The following NECTIN2 variants were observed in gnomAD, a reference collection of about 807,000 sequenced individuals.
The protein encoded by NECTIN2 is nectin-2.
NECTIN2 carries 23 observed loss-of-function variants against 56.9 expected under a neutral mutation model. The ratio of observed to expected loss-of-function variants is 0.40; its 90% CI spans 0.29 to 0.57. The LOEUF (loss-of-function observed/expected upper bound fraction) is 0.57. Ranked by LOEUF, NECTIN2 falls within the 20% of genes least tolerant of loss-of-function variation. The pLI is 0.38. For missense variants in NECTIN2, 587 were observed against 718.3 expected (o/e 0.82, Z 2.09); for synonymous variants, 302 against 313.8 (o/e 0.96, Z 0.40).
chr19:44,862,244 C>A (rs982639326), intron 1 of NECTIN2, among the ~76,000 whole-genome samples: 3 of 151,908 alleles, frequency 2.0e-5, no homozygotes, highest in Non-Finnish European at 4.4e-5. Context: ...GAAACCCCGT[C>A]TCTACTAAAA....
chr19:44,852,614 C>T (rs554748927), intron 1 of NECTIN2, among the ~76,000 whole-genome samples: 1 of 151,798 alleles, frequency 6.6e-6, no homozygotes, highest in Admixed American at 6.6e-5. Context: ...CTAGCAGGAT[C>T]CTTCTAGCTG....
At chr19:44,884,122 A>G (rs1969335507) in intron 6 of NECTIN2, among the ~76,000 whole-genome samples, 1 of 151,990 alleles carries the variant, frequency 6.6e-6, no homozygotes, top group Non-Finnish European at 1.5e-5. Context: ...AAAAAAAAGA[A>G]AAGAAAAATA....
In NECTIN2 at chr19:44,886,157, G is replaced by T. The variant is rs761393507; in HGVS notation, c.1285G>T (p.Ala429Ser). ...GCCCTCCCAGCTCTTCACTCTGGGG[G>T]CCTCGGAGCACAGCCCACTCAAGAC... ...EMPSQLFTLG[A>S]SEHSPLKTPY... Residue 429 changes from alanine to serine, a missense_variant, in exon 8 of 9, where the codon GCC becomes TCC. Coordinates refer to ENST00000252483, the MANE Select transcript of NECTIN2 (RefSeq NM_001042724.2). 1.8e-5 allele frequency: 29 copies of T among 1,613,252 alleles called. No individual in the cohort carries two copies. In the Middle Eastern group the frequency reaches 5.4e-4, roughly 30 times the overall value.
At chr19:44,851,726 GTGTT>G (rs1968901736) in intron 1 of NECTIN2, among the ~76,000 whole-genome samples, 1 of 152,190 alleles carries the variant, frequency 6.6e-6, no homozygotes, top group Admixed American at 6.5e-5. Flanking sequence ...AGGGAGGCTG[GTGTT>G]CCCATGGCCA....
chr19:44,852,420 CTTTTTGTTT>C (rs908521177), intron 1 of NECTIN2, among the ~76,000 whole-genome samples: 28 of 118,488 alleles, frequency 2.4e-4, no homozygotes, highest in African/African-American at 7.7e-4. Flanking sequence ...TTTTCTTTCT[CTTTTTGTTT>C]TTTTTGTTTT....
Position 44,874,204 on chromosome 19 carries a change from AT to A in NECTIN2, c.894-123del. ...GATGAAGGGAGCTTGCATTTTGGCA[AT>A]TTGGGGTCTCCGGGAGTACTTAGGT... On this transcript the variant is annotated intron_variant, in intron 4 of 8. Transcript: ENST00000252483. This position sits in a 1 kb window ranked among gnomAD's most constrained non-coding sequence, Gnocchi z 6.3. 1 of 1,345,556 alleles carries A rather than the reference AT, an allele frequency of 7.4e-7. No individual in the cohort carries two copies. The highest frequency in any genetic ancestry group is 1.3e-5 in the South Asian group (1 of 76,860). The allele number at this position is 1,345,556 out of a possible 1,614,324, so 83.4% of individuals were successfully genotyped here.
At chr19:44,879,491 A>G (rs1051208641) in intron 5 of NECTIN2, among the ~76,000 whole-genome samples, 7 of 151,674 alleles carry the variant, frequency 4.6e-5, no homozygotes, top group Non-Finnish European at 8.8e-5. Context: ...GGTGCTGGGG[A>G]AGTCCCACCT....
chr19:44,846,753 A>G, intron 1 of NECTIN2, 140 bp downstream of exon 1: 1 of 844,534 alleles, frequency 1.2e-6, no homozygotes, highest in Non-Finnish European at 1.6e-6. Context: ...GGCTGGCCCC[A>G]CAGACTCCGA....
chr19:44,878,140 C>T, intron 5 of NECTIN2: 2 of 613,958 alleles, frequency 3.3e-6, no homozygotes, highest in Non-Finnish European at 5.9e-6. Context: ...GCATCTCCCC[C>T]ACCCCCTCAC....
At chr19:44,885,462 C>T (rs963148327) in intron 6 of NECTIN2, among the ~76,000 whole-genome samples, 1 of 151,938 alleles carries the variant, frequency 6.6e-6, no homozygotes, top group Non-Finnish European at 1.5e-5. Flanking sequence ...CAGGCGTGCA[C>T]CATCATGCCC....
At chr19:44,879,638 G>T (rs915402887) in intron 5 of NECTIN2, among the ~76,000 whole-genome samples, 1 of 152,144 alleles carries the variant, frequency 6.6e-6, no homozygotes, top group Non-Finnish European at 1.5e-5. Flanking sequence ...AAGACGGGGG[G>T]AGGGGCGGCC....
At chr19:44,886,591 G>T (rs187534878) in intron 8 of NECTIN2, among the ~76,000 whole-genome samples, 2 of 152,130 alleles carry the variant, frequency 1.3e-5, no homozygotes, top group Admixed American at 1.3e-4. Flanking sequence ...GTGTGGTGGT[G>T]CGAGCCTGTA....
At chr19:44,856,515 C>G (rs1968967416) in intron 1 of NECTIN2, among the ~76,000 whole-genome samples, 1 of 152,188 alleles carries the variant, frequency 6.6e-6, no homozygotes, top group Non-Finnish European at 1.5e-5. Context: ...AAAGAGGAAA[C>G]TAACTTCCTC....
rs994550220 is a variant in NECTIN2 at position 44,852,391 on chromosome 19, C to T, written c.88+5778C>T. On this transcript the variant is annotated intron_variant, in intron 1 of 8. Coordinates refer to ENST00000252483, the MANE Select transcript of NECTIN2 (RefSeq NM_001042724.2). ...TCTCCTGAGCTCAGGTGAGCCACTG[C>T]ACCCAGCCTGTGAGGGTTTTTTCTT... 2.6e-5 allele frequency among the ~76,000 whole-genome samples: 4 copies of T among 151,616 alleles called. No individual in the cohort carries two copies. The Admixed American group carries it at 2.6e-4, about 10-fold the overall frequency.
At chr19:44,859,597 G>A (rs1043646185) in intron 1 of NECTIN2, among the ~76,000 whole-genome samples, 5 of 152,192 alleles carry the variant, frequency 3.3e-5, no homozygotes, top group Non-Finnish European at 1.5e-5. Context: ...GCCAAGGCGG[G>A]TGGATCACCT....
intron 2 of NECTIN2, among the ~76,000 whole-genome samples, chr19:44,867,297 T>C (rs511825): frequency 0.67 from 101,874 of 151,888 alleles, 35,078 homozygotes; most frequent in East Asian, 0.89. Context: ...GCTGGGATTA[T>C]AGGCATGAGC....
chr19:44,867,052 CTT>C (rs1025263093), intron 2 of NECTIN2, among the ~76,000 whole-genome samples: 2 of 151,120 alleles, frequency 1.3e-5, no homozygotes, highest in Non-Finnish European at 3.0e-5. Context: ...GAGTTTTGCT[CTT>C]GTTACCCAGG....
At chr19:44,846,656 C>T in intron 1 of NECTIN2, 43 bp downstream of exon 1, 1 of 1,509,686 alleles carries the variant, frequency 6.6e-7, no homozygotes, top group Non-Finnish European at 8.8e-7. Flanking sequence ...CGGACCCCCT[C>T]CAACCTTACC....
intron 6 of NECTIN2, 29 bp from the exon 7 acceptor site, chr19:44,885,908 C>T: frequency 1.3e-6 from 2 of 1,530,572 alleles, no homozygotes; most frequent in Non-Finnish European, 1.8e-6. Context: ...GGGTCTTAAT[C>T]TCCACTTGTC....
Sources: gnomAD v4.1 joint callset for allele counts (sites outside exome capture counted in the v4.1 genomes callset) on GRCh38, gnomAD v4.1.1 for gene constraint, Gnocchi (gnomAD v3.1) non-coding constraint, MANE v1.5 for transcripts, NCBI Gene and HGNC (gene_info 2026-07-23, HGNC 2026-07-21) for gene names.